The following TCF4 variants were observed in gnomAD, a reference collection of about 807,000 sequenced individuals.
TCF4 encodes SL3-3 enhancer factor 2.
Under a neutral mutation model 82.1 loss-of-function variants are expected in TCF4, and 3 were observed. That is an observed-to-expected ratio of 0.04 (90% CI 0.02 to 0.09). The LOEUF is 0.09. Ranked by LOEUF, TCF4 falls within the 10% of genes least tolerant of loss-of-function variation. The probability of loss-of-function intolerance (pLI) is 1.00; values close to 1 mark genes in which losing one functional copy is unlikely to be tolerated. For synonymous variants in TCF4, 276 were observed against 309.6 expected (o/e 0.89, Z 1.14); for missense variants, 518 against 852.7 (o/e 0.61, Z 4.89).
intron 2 of TCF4, among the ~76,000 whole-genome samples, chr18:55,597,150 C>T (rs141044907): frequency 1.3e-5 from 2 of 152,280 alleles, no homozygotes; most frequent in East Asian, 3.9e-4. Flanking sequence ...GCATCCTGTA[C>T]AGCCTGTGGA....
chr18:55,501,628 C>G (rs1310050746), intron 3 of TCF4, among the ~76,000 whole-genome samples: 1 of 151,656 alleles, frequency 6.6e-6, no homozygotes, highest in Non-Finnish European at 1.5e-5. Flanking sequence ...AAAGGGAACA[C>G]ATTTTACTGT....
chr18:55,589,313 T>C (rs2147915671), upstream of TCF4: 1 of 1,051,746 alleles, frequency 9.5e-7, no homozygotes, highest in East Asian at 5.4e-5. Context: ...TGGCCACAAA[T>C]ATTCTCACAA....
intron 2 of TCF4, among the ~76,000 whole-genome samples, chr18:55,596,659 C>T (rs1294441048): frequency 1.3e-5 from 2 of 152,078 alleles, no homozygotes; most frequent in African/African-American, 4.8e-5. Context: ...GAACACGTTT[C>T]TTTAATGGTC....
chr18:55,581,915 G>A (rs2097578625), intron 3 of TCF4, among the ~76,000 whole-genome samples: 2 of 152,004 alleles, frequency 1.3e-5, no homozygotes, highest in East Asian at 1.9e-4. Context: ...ACAGTCACAG[G>A]GGAAAAAGCT....
At chr18:55,548,732 T>G (rs1180345473) in intron 3 of TCF4, among the ~76,000 whole-genome samples, 1 of 152,228 alleles carries the variant, frequency 6.6e-6, no homozygotes. Flanking sequence ...GTTATTGTAC[T>G]AAATAGCCAC....
At chr18:55,458,069 G>GA (rs553556201) in intron 5 of TCF4, among the ~76,000 whole-genome samples, 69 of 145,544 alleles carry the variant, frequency 4.7e-4, no homozygotes, top group East Asian at 2.2e-3. Flanking sequence ...CCAAAAAAAG[G>GA]AAAAAAAAAA....
upstream of TCF4, chr18:55,589,750 A>G: frequency 2.0e-6 from 2 of 1,018,198 alleles, no homozygotes; most frequent in Non-Finnish European, 2.4e-6. Flanking sequence ...TGATAATAAT[A>G]GGTTTCCCTG....
chr18:55,575,828 A>G (rs1353032266), intron 3 of TCF4, among the ~76,000 whole-genome samples: 5 of 152,286 alleles, frequency 3.3e-5, no homozygotes, highest in Admixed American at 2.6e-4. Flanking sequence ...ATTAAAAGGT[A>G]TATCTGGCCA....
intron 8 of TCF4, among the ~76,000 whole-genome samples, chr18:55,308,111 T>C (rs2070980932): frequency 1.3e-5 from 2 of 152,208 alleles, no homozygotes; most frequent in African/African-American, 4.8e-5. Context: ...AAAGATAGTA[T>C]GGATGTAGGT....
intron 3 of TCF4, among the ~76,000 whole-genome samples, chr18:55,484,958 C>T (rs551423909): frequency 4.6e-5 from 7 of 152,266 alleles, no homozygotes; most frequent in African/African-American, 1.7e-4. Flanking sequence ...GAGGGAAACC[C>T]CCAAGTCCTA....
chr18:55,472,724 A>G (rs994347385), intron 3 of TCF4, among the ~76,000 whole-genome samples: 3 of 151,484 alleles, frequency 2.0e-5, no homozygotes, highest in Non-Finnish European at 2.9e-5. Context: ...GAAGTAAGTT[A>G]CCATATCTGA....
chr18:55,415,661 A>C (rs2094501159), intron 5 of TCF4, among the ~76,000 whole-genome samples: 1 of 152,224 alleles, frequency 6.6e-6, no homozygotes, highest in Admixed American at 6.5e-5. Context: ...TACTGACTTT[A>C]ACAGATATTT....
chr18:55,536,396 A>G lies in TCF4; in HGVS notation c.145+48884T>C, dbSNP rs544075076. 3.9e-5 allele frequency among the ~76,000 whole-genome samples: 6 copies of G among 152,326 alleles called. 1 individual carries two copies. The South Asian group carries it at 1.2e-3, about 32-fold the overall frequency. ...CTCTTTAAACCTCTTTCAGCTTCAG[A>G]CCATGAAACCATAGCTCTATAGGAA... On this transcript the variant is annotated intron_variant, in intron 3 of 19. Coordinates refer to ENST00000354452, the MANE Select transcript of TCF4 (RefSeq NM_001083962.2).
At chr18:55,231,478 G>C (rs983150014) in intron 17 of TCF4, 2 of 152,198 alleles carry the variant, frequency 1.3e-5, no homozygotes, top group African/African-American at 4.8e-5. Flanking sequence ...GTTCTCAACA[G>C]CGAATGAAAA....
At chr18:55,635,898 G>A (rs765444117) in exon 1 of TCF4, 1 of 1,570,464 alleles carries the variant, frequency 6.4e-7, no homozygotes, top group Non-Finnish European at 8.6e-7. Flanking sequence ...TAGAAAACAT[G>A]GTGTTGTTCC....
intron 3 of TCF4, among the ~76,000 whole-genome samples, chr18:55,533,551 A>G (rs2097089339): frequency 6.6e-6 from 1 of 152,208 alleles, no homozygotes; most frequent in African/African-American, 2.4e-5. Context: ...TGCAAGTCTG[A>G]GCTGGAAATT....
chr18:55,324,515 T>C (rs1393528352), intron 8 of TCF4, among the ~76,000 whole-genome samples: 1 of 152,212 alleles, frequency 6.6e-6, no homozygotes, highest in Non-Finnish European at 1.5e-5. Context: ...CATAAATCCA[T>C]GTGTTTCAGA....
At chr18:55,392,019 A>G (rs2093158588) in intron 6 of TCF4, among the ~76,000 whole-genome samples, 1 of 109,070 alleles carries the variant, frequency 9.2e-6, no homozygotes, top group Admixed American at 1.3e-4. Flanking sequence ...GCTGCAGTGC[A>G]GTGGCGTGAT....
chr18:55,290,942 C>T (rs753682007), intron 8 of TCF4, among the ~76,000 whole-genome samples: 1 of 152,150 alleles, frequency 6.6e-6, no homozygotes, highest in South Asian at 2.1e-4. Context: ...TTACGTAAAG[C>T]AAATTTGACA....
Sources: allele counts gnomAD v4.1 joint callset (sites outside exome capture counted in the v4.1 genomes callset), GRCh38; gene constraint gnomAD v4.1.1; transcripts MANE v1.5; gene names NCBI Gene and HGNC (gene_info 2026-07-23, HGNC 2026-07-21).